KAZN: variants seen among roughly 807,000 people sequenced by gnomAD.
The protein encoded by KAZN is kazrin, periplakin interacting protein.
KAZN carries 40 observed loss-of-function variants against 87.4 expected under a neutral mutation model. The ratio of observed to expected loss-of-function variants is 0.46; its 90% CI spans 0.36 to 0.60. The LOEUF (loss-of-function observed/expected upper bound fraction) is 0.60. Ranked by LOEUF, KAZN falls within the 20% of genes least tolerant of loss-of-function variation. The probability of loss-of-function intolerance (pLI) is 0.00; values close to 1 mark genes in which losing one functional copy is unlikely to be tolerated. For synonymous variants in KAZN, 466 were observed against 458.3 expected (o/e 1.02, Z -0.22); for missense variants, 898 against 1,073.9 (o/e 0.84, Z 2.29).
At chr1:14,582,048 T>TC (rs1488559628) in intron 2 of KAZN, among the ~76,000 whole-genome samples, 1 of 152,168 alleles carries the variant, frequency 6.6e-6, no homozygotes, top group African/African-American at 2.4e-5. Flanking sequence ...TATTTTTTTT[T>TC]CACTGCTGTA....
At chr1:14,760,782 C>T (rs1055963848) in intron 1 of KAZN, among the ~76,000 whole-genome samples, 3 of 152,144 alleles carry the variant, frequency 2.0e-5, no homozygotes, top group South Asian at 2.1e-4. Context: ...AGCAAGACCT[C>T]GTCTCTACAA....
chr1:14,598,608 C>A, upstream of KAZN: 1 of 1,061,828 alleles, frequency 9.4e-7, no homozygotes, highest in Non-Finnish European at 1.1e-6. This position sits in a 1 kb window ranked among gnomAD's most constrained non-coding sequence, Gnocchi z 4.2. Flanking sequence ...TGCCCCCAGC[C>A]TCCGACCGAG....
At chr1:14,150,820 C>T (rs2101798532) in intron 1 of KAZN, among the ~76,000 whole-genome samples, 1 of 152,282 alleles carries the variant, frequency 6.6e-6, no homozygotes, top group South Asian at 2.1e-4. Context: ...TTACTGGTAT[C>T]AGCCCCATTT....
intron 2 of KAZN, among the ~76,000 whole-genome samples, chr1:14,219,155 T>A (rs191561697): frequency 2.3e-3 from 355 of 152,138 alleles, no homozygotes; most frequent in Non-Finnish European, 4.1e-3. Context: ...TGTAGACTAA[T>A]AGAGACATAA....
chr1:13,940,851 T>C (rs533276888), intron 1 of KAZN, among the ~76,000 whole-genome samples: 7 of 152,276 alleles, frequency 4.6e-5, no homozygotes, highest in African/African-American at 1.7e-4. Context: ...CCAAAGAATA[T>C]GAATTATATT....
chr1:14,924,170 C>T (rs1475875167), intron 1 of KAZN: 9 of 981,642 alleles, frequency 9.2e-6, no homozygotes, highest in Non-Finnish European at 1.1e-5. Flanking sequence ...GAATTCCTCG[C>T]GTGCAGCAGG....
chr1:14,855,075 G>A (rs61773570), intron 1 of KAZN, among the ~76,000 whole-genome samples: 7,284 of 152,144 alleles, frequency 0.048, 249 homozygotes, highest in Admixed American at 0.089. Context: ...GTGGGTGGAA[G>A]GAGGGACTGT....
intron 1 of KAZN, among the ~76,000 whole-genome samples, chr1:14,048,395 CTTT>C (rs34631391): frequency 9.6e-5 from 14 of 145,670 alleles, no homozygotes; most frequent in South Asian, 2.2e-4. Flanking sequence ...TAAAATACTT[CTTT>C]TTTTTTTTTT....
intron 1 of KAZN, among the ~76,000 whole-genome samples, chr1:14,665,943 A>AAAT (rs1280619368): frequency 6.6e-6 from 1 of 151,752 alleles, no homozygotes; most frequent in Non-Finnish European, 1.5e-5. Flanking sequence ...AAAAAAAAAA[A>AAAT]AAAAAAAAAA....
intron 1 of KAZN, among the ~76,000 whole-genome samples, chr1:13,995,612 C>A (rs938173690): frequency 6.6e-6 from 1 of 152,152 alleles, no homozygotes; most frequent in Non-Finnish European, 1.5e-5. Flanking sequence ...AATTGATTTA[C>A]AGATTTGACA....
At chr1:15,010,846 T>C (rs1669509805) in intron 2 of KAZN, among the ~76,000 whole-genome samples, 1 of 152,220 alleles carries the variant, frequency 6.6e-6, no homozygotes, top group South Asian at 2.1e-4. Flanking sequence ...ATCTACTGTT[T>C]GCTTACCCAC....
intron 1 of KAZN, among the ~76,000 whole-genome samples, chr1:14,109,033 C>T (rs1464736790): frequency 1.3e-5 from 2 of 152,168 alleles, no homozygotes; most frequent in East Asian, 1.9e-4. Context: ...TGGCCGAGCT[C>T]GCATCTGTGA....
intron 1 of KAZN, among the ~76,000 whole-genome samples, chr1:13,900,098 C>T (rs547078729): frequency 6.6e-6 from 1 of 152,178 alleles, no homozygotes; most frequent in Non-Finnish European, 1.5e-5. Flanking sequence ...TCTGGCAAAG[C>T]AAAATTGCGG....
rs143149933 is a variant in KAZN at position 14,618,223 on chromosome 1, G to A, written c.226+19000G>A. Among the ~76,000 whole-genome samples the A allele has an allele frequency of 4.2e-3, 641 of 152,250 alleles. 4 individuals are homozygous for A. Among genetic ancestry groups the A allele is most frequent in the African/African-American group, 0.015 (609 of 41,530 alleles). ...CACACTGGGGCATGGCCCCAGCCCC[G>A]GCGTGTTCTAGTGATGAGAGTGAGG... On this transcript the variant is annotated intron_variant, in intron 1 of 14. Coordinates refer to ENST00000376030, the MANE Select transcript of KAZN (RefSeq NM_201628.3).
intron 1 of KAZN, among the ~76,000 whole-genome samples, chr1:14,617,481 A>G (rs989795987): frequency 6.6e-6 from 1 of 152,164 alleles, no homozygotes; most frequent in Non-Finnish European, 1.5e-5. Flanking sequence ...GTTACCACAA[A>G]CCTTTGATTT....
At chr1:14,536,371 G>A (rs1169488444) in intron 2 of KAZN, among the ~76,000 whole-genome samples, 1 of 152,166 alleles carries the variant, frequency 6.6e-6, no homozygotes. Flanking sequence ...ATGAGGTCCT[G>A]GAGGCTCTGG....
intron 1 of KAZN, among the ~76,000 whole-genome samples, chr1:14,043,424 A>G (rs61777720): frequency 0.14 from 21,414 of 152,160 alleles, 1,878 homozygotes; most frequent in Middle Eastern, 0.25. Context: ...TGAATCCCTT[A>G]TTTCAGTTAT....
intron 1 of KAZN, among the ~76,000 whole-genome samples, chr1:14,076,976 G>A (rs992040123): frequency 1.3e-5 from 2 of 152,112 alleles, no homozygotes; most frequent in Non-Finnish European, 1.5e-5. Flanking sequence ...TGGCCAAGTG[G>A]TGTGATTGAT....
intron 2 of KAZN, among the ~76,000 whole-genome samples, chr1:14,418,650 C>T (rs932107544): frequency 1.3e-5 from 2 of 152,170 alleles, no homozygotes; most frequent in African/African-American, 4.8e-5. Context: ...AGAGGCAAGG[C>T]ATTTTTCAGG....
Sources: allele counts gnomAD v4.1 joint callset (sites outside exome capture counted in the v4.1 genomes callset), GRCh38; gene constraint gnomAD v4.1.1; non-coding constraint Gnocchi (gnomAD v3.1); transcripts MANE v1.5; gene names NCBI Gene and HGNC (gene_info 2026-07-23, HGNC 2026-07-21).